The following CNOT1 variants were observed in gnomAD, a reference collection of about 807,000 sequenced individuals.
The protein encoded by CNOT1 is CCR4-NOT transcription complex subunit 1.
Under a neutral mutation model 273.8 loss-of-function variants are expected in CNOT1, and 15 were observed. That is an observed-to-expected ratio of 0.05 (90% confidence interval 0.04 to 0.08). CNOT1 has a LOEUF of 0.08. Among genes scored for constraint, CNOT1 ranks in the 10% least tolerant of loss-of-function variants. The probability of loss-of-function intolerance (pLI) is 1.00; values close to 1 mark genes in which losing one functional copy is unlikely to be tolerated. For synonymous variants in CNOT1, 1,022 were observed against 1,005.5 expected, an observed-to-expected ratio of 1.02 and a Z score of -0.31; for missense variants, 1,644 against 2,912.2, an observed-to-expected ratio of 0.56 and a Z score of 10.02.
At chr16:58,623,951 C>T (rs373807023) in intron 1 of CNOT1, among the ~76,000 whole-genome samples, 9 of 151,938 alleles carry the variant, frequency 5.9e-5, no homozygotes, top group African/African-American at 2.2e-4. Context: ...GATCGTGCCA[C>T]TGCACTCCAG....
At chr16:58,621,997 T>C (rs990791029) in intron 1 of CNOT1, among the ~76,000 whole-genome samples, 2 of 146,132 alleles carry the variant, frequency 1.4e-5, no homozygotes, top group African/African-American at 5.1e-5. Context: ...TGATGATCTA[T>C]CAGCGTAGAT....
rs545331636 is a variant in CNOT1, at chr16:58,557,005, G to A, written c.2333-12C>T. On this transcript the variant is annotated splice_polypyrimidine_tract_variant and intron_variant, in intron 18 of 48. Coordinates refer to ENST00000317147, the MANE Select transcript of CNOT1 (RefSeq NM_016284.5). Reference sequence around the variant, plus strand: ...GCCAAGACCACCTACTAGAGAGAACGAAGGCAGCCACAAATCCTATCATTA... The same window carrying A: ...GCCAAGACCACCTACTAGAGAGAACAAAGGCAGCCACAAATCCTATCATTA... 42 of 1,610,730 alleles carry A rather than the reference G, an allele frequency of 2.6e-5. No individual in the cohort carries two copies. The highest frequency in any genetic ancestry group is 3.3e-5 in the South Asian group (3 of 90,572).
rs2039978754 is a variant in CNOT1, at chr16:58,538,232, T to G, written c.5170A>C (p.Asn1724His). Residue 1724 changes from asparagine to histidine, a missense_variant, in exon 37 of 49, where the codon AAT (asparagine) becomes CAT (histidine). Coordinates refer to ENST00000317147, the MANE Select transcript of CNOT1 (RefSeq NM_016284.5). The stretch of plus-strand genomic sequence containing the variant: ...ATTAGCAGCTCCACAGCCTCCACAT[T>G]ATATTTATATTCATCTCGACATTCA... ...LIECRDEYKYNVEAVELLIRN... is the reference protein window; with the variant it reads ...LIECRDEYKYHVEAVELLIRN... The G allele has an allele frequency of 7.1e-7, 1 of 1,417,234 alleles. No individual in the cohort carries two copies. Among genetic ancestry groups the G allele is most frequent in the African/African-American group, 1.4e-5 (1 of 71,040 alleles). 87.8% of individuals were successfully genotyped at this position (1,417,234 alleles called of 1,614,324 possible). A position where few individuals can be genotyped will look rare whatever the true frequency, so the allele number is the denominator to read the frequency against.
intron 47 of CNOT1, 168 bp downstream of exon 47, chr16:58,523,202 G>A (rs555365815): frequency 4.3e-5 from 22 of 509,020 alleles, no homozygotes; most frequent in South Asian, 1.2e-4. Flanking sequence ...CCAAGATGGC[G>A]CCACTGTACT....
intron 21 of CNOT1, 41 bp downstream of exon 21, chr16:58,555,201 TGTCTGCGGG>T (rs750688703): frequency 1.7e-5 from 27 of 1,594,758 alleles, no homozygotes; most frequent in Non-Finnish European, 2.0e-5. Context: ...GTTAAGACCC[TGTCTGCGGG>T]GTCAGGGAAG....
At position 58,521,318 on chromosome 16, in the gene CNOT1, C is replaced by CTGGAAAAAGGGAGAAAGA; in HGVS notation, c.6918-19_6918-2dup. 6.3e-7 allele frequency: 1 copy of CTGGAAAAAGGGAGAAAGA among 1,595,812 alleles called. No homozygotes were observed. The highest frequency in any genetic ancestry group is 1.4e-5 in the African/African-American group (1 of 73,558). Reference sequence around the variant, plus strand: ...TACAATCAACCGTTCCAAGAGAACTCTGGAAAAAGGGAGAAAGAGCTAGTT... The same window carrying CTGGAAAAAGGGAGAAAGA: ...TACAATCAACCGTTCCAAGAGAACTCTGGAAAAAGGGAGAAAGATGGAAAAAGGGAGAAAGAGCTAGTT... On this transcript the variant is annotated splice_acceptor_variant, in intron 47 of 48. Coordinates refer to ENST00000317147, the MANE Select transcript of CNOT1 (RefSeq NM_016284.5). LOFTEE classifies it high-confidence loss of function.
At position 58,543,981 on chromosome 16, in the gene CNOT1, A is replaced by T. The variant is rs541364291; in HGVS notation, c.4138-78T>A. On this transcript the variant is annotated intron_variant, in intron 30 of 48. Coordinates refer to ENST00000317147, the MANE Select transcript of CNOT1 (RefSeq NM_016284.5). ...ATTCCTACTGGCAATCACATTCATGATTTTGTAAATCAAGATTAACCAAAA... is the reference window on the plus strand; with the variant it reads ...ATTCCTACTGGCAATCACATTCATGTTTTTGTAAATCAAGATTAACCAAAA... 75 of 1,487,458 alleles carry T rather than the reference A, an allele frequency of 5.0e-5. 1 individual carries two copies. The South Asian group carries it at 1.0e-3, about 21-fold the overall frequency. The allele number at this position is 1,487,458 out of a possible 1,614,324, so 92.1% of individuals were successfully genotyped here.
intron 16 of CNOT1, among the ~76,000 whole-genome samples, chr16:58,566,605 A>G (rs9935316): frequency 0.39 from 59,363 of 152,064 alleles, 12,977 homozygotes; most frequent in African/African-American, 0.59. Context: ...TTTGGAATGG[A>G]TAATTATTTG....
At chr16:58,526,502 C>G (rs2039584742) in intron 44 of CNOT1, among the ~76,000 whole-genome samples, 2 of 128,504 alleles carry the variant, frequency 1.6e-5, no homozygotes, top group Non-Finnish European at 3.1e-5. Context: ...AGACATCACA[C>G]TTACTCCTTA....
Position 58,525,352 on chromosome 16 carries a change from T to C in CNOT1, c.6611A>G (p.Asn2204Ser), listed in dbSNP as rs149535222. 5.4e-4 allele frequency: 879 copies of C among 1,613,098 alleles called. 1 individual carries two copies. In the Admixed American group the frequency reaches 9.4e-3, roughly 17 times the overall value. ...GAGGTTGTAGCGATTCCCAGGTTCA[T>C]TGGATACCTTAAAATGAGCAAAACA... ...SDLRSNLQVSNEPGNRYNLQL... is the reference protein window; with the variant it reads ...SDLRSNLQVSSEPGNRYNLQL... Residue 2204 changes from asparagine (N) to serine (S), a missense_variant, in exon 46 of 49, where the codon AAT becomes AGT. Physicochemically the swap from Asn to Ser is conservative, Grantham distance 46. Transcript: ENST00000317147.
chr16:58,596,591 A>G (rs944826156), intron 2 of CNOT1, among the ~76,000 whole-genome samples: 1 of 152,090 alleles, frequency 6.6e-6, no homozygotes, highest in Non-Finnish European at 1.5e-5. Context: ...TATACATACT[A>G]AAAAGTCAAT....
At chr16:58,589,538 T>C (rs75749546) in intron 2 of CNOT1, among the ~76,000 whole-genome samples, 191 of 152,228 alleles carry the variant, frequency 1.3e-3, no homozygotes, top group African/African-American at 4.2e-3. Context: ...AATTGTTTCC[T>C]ATAGTCAGTC....
At chr16:58,613,960 CG>C (rs1268338341) in intron 1 of CNOT1, among the ~76,000 whole-genome samples, 2 of 119,002 alleles carry the variant, frequency 1.7e-5, no homozygotes, top group African/African-American at 5.7e-5. Flanking sequence ...GGCGTGGTGG[CG>C]GGCACCTGTA....
At chr16:58,556,630 T>C (rs1351782001) in intron 19 of CNOT1, among the ~76,000 whole-genome samples, 4 of 152,238 alleles carry the variant, frequency 2.6e-5, no homozygotes, top group Admixed American at 6.5e-5. Context: ...TACTTCTTAC[T>C]TTTAGGATAA....
Position 58,595,908 on chromosome 16 carries a change from T to C in CNOT1, c.102+3328A>G, listed in dbSNP as rs114073706. On this transcript the variant is annotated intron_variant, in intron 2 of 48. Transcript: ENST00000317147. ...GGTGGAAAGATACTTTTGAAGAAAG[T>C]TACGGAGAATAAAAAAGTGTAAAAA... Among the ~76,000 whole-genome samples, 368 of 152,282 alleles carry C rather than the reference T, an allele frequency of 2.4e-3. 2 individuals are homozygous for C. The highest frequency in any genetic ancestry group is 8.1e-3 in the African/African-American group (335 of 41,546).
At chr16:58,554,282 A>G (rs558966025) in intron 21 of CNOT1, among the ~76,000 whole-genome samples, 1 of 152,332 alleles carries the variant, frequency 6.6e-6, no homozygotes, top group African/African-American at 2.4e-5. Context: ...CTCTGTGTAA[A>G]TGGCATTCTA....
chr16:58,599,445 C>A lies in CNOT1; in HGVS notation c.-108G>T, dbSNP rs972540073. The A allele has an allele frequency of 4.5e-6, 6 of 1,346,276 alleles. No homozygotes were observed. The highest frequency in any genetic ancestry group is 4.1e-6 in the Non-Finnish European group (4 of 967,388). 83.4% of individuals were successfully genotyped at this position (1,346,276 alleles called of 1,614,324 possible). On this transcript the variant is annotated 5_prime_UTR_variant, in exon 2 of 49. Coordinates refer to ENST00000317147, the MANE Select transcript of CNOT1 (RefSeq NM_016284.5). ...TGCTTTCTTTGTAATTAGGCTATAT[C>A]TGGTATCTGTATAATATCTTCAGTT...
At chr16:58,612,433 G>T (rs2042933567) in intron 1 of CNOT1, among the ~76,000 whole-genome samples, 1 of 152,004 alleles carries the variant, frequency 6.6e-6, no homozygotes, top group South Asian at 2.1e-4. Context: ...CTCTCTTTCT[G>T]CAATTATGAA....
chr16:58,556,048 T>C (rs769700035), intron 19 of CNOT1, 140 bp from the exon 20 acceptor site: 32 of 1,436,622 alleles, frequency 2.2e-5, no homozygotes, highest in Admixed American at 5.5e-5. Flanking sequence ...AGCGGTCAAG[T>C]TTCAGTATTA....
Sources: allele counts gnomAD v4.1 joint callset (sites outside exome capture counted in the v4.1 genomes callset), GRCh38; gene constraint gnomAD v4.1.1; transcripts MANE v1.5; gene names NCBI Gene and HGNC (gene_info 2026-07-23, HGNC 2026-07-21).